The following OR7D4 variants were observed in gnomAD, a reference collection of about 807,000 sequenced individuals.
OR7D4 encodes the protein olfactory receptor family 7 subfamily D member 4.
For missense variants in OR7D4, 319 were observed against 377.1 expected (o/e 0.85, Z 1.27); for synonymous variants, 154 against 158.4 (o/e 0.97, Z 0.21).
At chr19:9,219,048 C>G (rs2146016695) in intron 1 of OR7D4, among the ~76,000 whole-genome samples, 152 bp downstream of exon 1, 1 of 152,226 alleles carries the variant, frequency 6.6e-6, no homozygotes, top group African/African-American at 2.4e-5. Context: ...AACATAACAG[C>G]TAGTAAGTGC....
rs761325059 is a variant in OR7D4, at chr19:9,214,263, G to T, written c.575C>A (p.Thr192Asn). ...ATACAAGACAATGTTATTGAGGAGG[G>T]TGTTAGAGCAGGCCACCTTGAGGAC... ...AQVLKVACSNTLLNNIVLYVA... is the reference protein window; with the variant it reads ...AQVLKVACSNNLLNNIVLYVA... Residue 192 changes from threonine to asparagine, a missense_variant, in exon 2 of 2, where the codon ACC (threonine) becomes AAC (asparagine). By Grantham distance (65) the Thr-to-Asn change is moderately conservative. Transcript: ENST00000641669. 4 of 1,614,160 alleles carry T rather than the reference G, an allele frequency of 2.5e-6. No individual in the cohort carries two copies. Among genetic ancestry groups the T allele is most frequent in the Non-Finnish European group, 1.7e-6 (2 of 1,179,990 alleles).
rs137888408 is a variant in OR7D4 at position 9,214,658 on chromosome 19, G to C, written c.180C>G (p.Tyr60Ter). 13 of 1,614,044 alleles carry C rather than the reference G, an allele frequency of 8.1e-6. No individual in the cohort carries two copies. Among genetic ancestry groups the C allele is most frequent in the Non-Finnish European group, 1.1e-5 (13 of 1,180,036 alleles). Residue 60 changes from tyrosine to a stop codon, truncating the protein, a stop_gained, in exon 2 of 2, where the codon TAC becomes TAG. Coordinates refer to ENST00000641669, the MANE Select transcript of OR7D4 (RefSeq NM_001005191.3). LOFTEE classifies it low-confidence loss of function (END_TRUNC). ...SSDSHLHTPM[Y>*]FFLSNLSFVD... Reference sequence around the variant, plus strand: ...CAAAGGACAGGTTGGAGAGGAAGAAGTACATGGGGGTGTGGAGGTGGGAGT... The same window carrying C: ...CAAAGGACAGGTTGGAGAGGAAGAACTACATGGGGGTGTGGAGGTGGGAGT...
chr19:9,211,048 C>T lies in OR7D4; in HGVS notation c.*2851G>A, dbSNP rs776535124. Reference sequence around the variant, plus strand: ...TCTACCGGAAGGCAGAGGGAAATCTCCATGGTCTTGGGTGCTTAGAGACCC... The same window carrying T: ...TCTACCGGAAGGCAGAGGGAAATCTTCATGGTCTTGGGTGCTTAGAGACCC... On this transcript the variant is annotated 3_prime_UTR_variant, in exon 2 of 2. Coordinates refer to ENST00000641669, the MANE Select transcript of OR7D4 (RefSeq NM_001005191.3). 6.6e-6 allele frequency: 1 copy of T among 152,270 alleles called. No homozygotes were observed. The highest frequency in any genetic ancestry group is 2.4e-5 in the African/African-American group (1 of 41,464). 9.4% of individuals were successfully genotyped at this position (152,270 alleles called of 1,614,324 possible).
chr19:9,213,847 A>G lies in OR7D4; in HGVS notation c.*52T>C. 1 of 1,284,032 alleles carries G rather than the reference A, an allele frequency of 7.8e-7. No homozygotes were observed. The highest frequency in any genetic ancestry group is 1.5e-5 in the African/African-American group (1 of 66,886). 79.5% of individuals were successfully genotyped at this position (1,284,032 alleles called of 1,614,324 possible). ...AGAGCCGGATATTTAAACCCACAAC[A>G]TTTGCCTTAGGGGTACGCAGTGTGT... On this transcript the variant is annotated 3_prime_UTR_variant, in exon 2 of 2. Coordinates refer to ENST00000641669, the MANE Select transcript of OR7D4 (RefSeq NM_001005191.3).
At chr19:9,218,643 T>G (rs4804423) in intron 1 of OR7D4, among the ~76,000 whole-genome samples, 15,422 of 151,924 alleles carry the variant, frequency 0.1, 1,389 homozygotes, top group African/African-American at 0.24. Context: ...GATTTTTTTT[T>G]GGGGGGGACA....
In OR7D4 at chr19:9,214,256, G is replaced by C. The variant is rs775966397; in HGVS notation, c.582C>G (p.Leu194=). 103 of 1,614,034 alleles carry C rather than the reference G, an allele frequency of 6.4e-5. No homozygotes were observed. Among genetic ancestry groups the C allele is most frequent in the Non-Finnish European group, 7.8e-5 (92 of 1,180,000 alleles). The part of the protein sequence containing the change: ...VLKVACSNTL[L]NNIVLYVATA... ...TGGCCACATACAAGACAATGTTATT[G>C]AGGAGGGTGTTAGAGCAGGCCACCT... is the stretch of plus-strand genomic sequence containing the variant. Residue 194 remains leucine (L), a synonymous_variant, in exon 2 of 2, where the codon CTC becomes CTG. Coordinates refer to ENST00000641669, the MANE Select transcript of OR7D4 (RefSeq NM_001005191.3).
chr19:9,211,748 C>A lies in OR7D4; in HGVS notation c.*2151G>T, dbSNP rs2146001561. 1 of 135,088 alleles carries A rather than the reference C, an allele frequency of 7.4e-6. No individual in the cohort carries two copies. The highest frequency in any genetic ancestry group is 2.3e-4 in the South Asian group (1 of 4,414). The allele number at this position is 135,088 out of a possible 1,614,324, so 8.4% of individuals were successfully genotyped here. A position where few individuals can be genotyped will look rare whatever the true frequency, so the allele number is the denominator to read the frequency against. On this transcript the variant is annotated 3_prime_UTR_variant, in exon 2 of 2. Transcript: ENST00000641669. Reference sequence around the variant, plus strand: ...AATCCCAGCGCCACTGTGCTCTAGCCTGGGCGACAGAGCAAGACTCCATCT... The same window carrying A: ...AATCCCAGCGCCACTGTGCTCTAGCATGGGCGACAGAGCAAGACTCCATCT...
At chr19:9,217,704 A>C (rs898533365) in intron 1 of OR7D4, among the ~76,000 whole-genome samples, 1 of 152,022 alleles carries the variant, frequency 6.6e-6, no homozygotes, top group Admixed American at 6.6e-5. Flanking sequence ...ACGCTCAGCT[A>C]ATTTTTTTAT....
At position 9,214,664 on chromosome 19, in the gene OR7D4, G is replaced by A; in HGVS notation, c.174C>T (p.Pro58=). The A allele has an allele frequency of 6.2e-7, 1 of 1,614,134 alleles. No homozygotes were observed. The highest frequency in any genetic ancestry group is 8.5e-7 in the Non-Finnish European group (1 of 1,180,010). ...ACAGGTTGGAGAGGAAGAAGTACATGGGGGTGTGGAGGTGGGAGTCAGAGC... is the reference window on the plus strand; with the variant it reads ...ACAGGTTGGAGAGGAAGAAGTACATAGGGGTGTGGAGGTGGGAGTCAGAGC... ...AVSSDSHLHT[P]MYFFLSNLSF... is the part of the protein sequence containing the mutation. Residue 58 remains proline, a synonymous_variant, in exon 2 of 2, where the codon CCC becomes CCT. Transcript: ENST00000641669.
rs373625654 is a variant in OR7D4 at position 9,214,547 on chromosome 19, G to C, written c.291C>G (p.Cys97Trp). 13 of 1,614,050 alleles carry C rather than the reference G, an allele frequency of 8.1e-6. No homozygotes were observed. The highest frequency in any genetic ancestry group is 1.3e-5 in the African/African-American group (1 of 74,916). ...ARSKDISYMG[C>W]LTQVYFLMMF... ...TCATTAAAAAATACACCTGAGTGAG[G>C]CACCCCATGTAGGAGATGTCTTTGC... is the stretch of plus-strand genomic sequence containing the variant. Residue 97 changes from cysteine (C) to tryptophan (W), a missense_variant, in exon 2 of 2, where the codon TGC (cysteine) becomes TGG (tryptophan). Cys to Trp is a radical substitution (Grantham distance 215). Transcript: ENST00000641669.
At chr19:9,217,138 A>G (rs1372391436) in intron 1 of OR7D4, among the ~76,000 whole-genome samples, 1 of 152,200 alleles carries the variant, frequency 6.6e-6, no homozygotes, top group Non-Finnish European at 1.5e-5. Context: ...TGTGGACTAC[A>G]TACACAAGAT....
intron 1 of OR7D4, among the ~76,000 whole-genome samples, chr19:9,217,741 G>A (rs1438986154): frequency 6.6e-6 from 1 of 152,128 alleles, no homozygotes; most frequent in African/African-American, 2.4e-5. Context: ...GTTTCACCTT[G>A]TTAGCCAGGC....
At chr19:9,218,151 A>G (rs2051230643) in intron 1 of OR7D4, among the ~76,000 whole-genome samples, 1 of 152,248 alleles carries the variant, frequency 6.6e-6, no homozygotes, top group African/African-American at 2.4e-5. Context: ...ATTCTGAGCA[A>G]GTACAAATTG....
At chr19:9,218,346 G>A (rs750536826) in intron 1 of OR7D4, among the ~76,000 whole-genome samples, 3 of 152,180 alleles carry the variant, frequency 2.0e-5, no homozygotes, top group Non-Finnish European at 4.4e-5. Flanking sequence ...CAGGTTTAAT[G>A]TAAGAATGTC....
rs1346211316 is a variant in OR7D4 at position 9,213,099 on chromosome 19, A to G, written c.*800T>C. ...TGAATAACATCAGACATGTAAAGCA[A>G]CAAGCACTGTCCTGATATTGTAAAC... On this transcript the variant is annotated 3_prime_UTR_variant, in exon 2 of 2. Transcript: ENST00000641669. 6.6e-6 allele frequency: 1 copy of G among 152,218 alleles called. No individual in the cohort carries two copies. The highest frequency in any genetic ancestry group is 1.9e-4 in the East Asian group (1 of 5,194). 9.4% of individuals were successfully genotyped at this position (152,218 alleles called of 1,614,324 possible).
At position 9,211,351 on chromosome 19, in the gene OR7D4, T is replaced by C. The variant is rs2051171426; in HGVS notation, c.*2548A>G. On this transcript the variant is annotated 3_prime_UTR_variant, in exon 2 of 2. Transcript: ENST00000641669. ...TAGATATGGGGAAATGCTTAAGCAA[T>C]ATATAAAGTTACCAAGTTAGGCTGC... The C allele has an allele frequency of 6.6e-6, 1 of 152,172 alleles. No individual in the cohort carries two copies. The highest frequency in any genetic ancestry group is 2.4e-5 in the African/African-American group (1 of 41,438). 9.4% of individuals were successfully genotyped at this position (152,172 alleles called of 1,614,324 possible).
chr19:9,212,490 G>A lies in OR7D4; in HGVS notation c.*1409C>T, dbSNP rs1031008172. ...ACCATCAAAATGATAATATCTTTAT[G>A]ATATAGAATACAATGGCCCGGAAAT... On this transcript the variant is annotated 3_prime_UTR_variant, in exon 2 of 2. Coordinates refer to ENST00000641669, the MANE Select transcript of OR7D4 (RefSeq NM_001005191.3). The A allele has an allele frequency of 6.6e-6, 1 of 152,058 alleles. No homozygotes were observed. Among genetic ancestry groups the A allele is most frequent in the Non-Finnish European group, 1.5e-5 (1 of 68,020 alleles). The allele number at this position is 152,058 out of a possible 1,614,324, so 9.4% of individuals were successfully genotyped here.
rs2051180327 is a variant in OR7D4 at position 9,212,676 on chromosome 19, GA to G, written c.*1222del. 2.0e-5 allele frequency: 3 copies of G among 152,120 alleles called. No homozygotes were observed. Among genetic ancestry groups the G allele is most frequent in the East Asian group, 1.9e-4 (1 of 5,186 alleles). 9.4% of individuals were successfully genotyped at this position (152,120 alleles called of 1,614,324 possible). ...CTCATTCTGGCCAGTATATTACTAG[GA>G]ACCATTTGACCCAACCAGCTTTCAA... On this transcript the variant is annotated 3_prime_UTR_variant, in exon 2 of 2. Transcript: ENST00000641669.
intron 1 of OR7D4, 142 bp from the exon 2 acceptor site, chr19:9,214,992 T>C: frequency 3.4e-6 from 2 of 592,824 alleles, no homozygotes; most frequent in East Asian, 5.6e-5. Context: ...TCTCAGGAAG[T>C]GGTATCTATT....
Sources: allele counts gnomAD v4.1 joint callset (sites outside exome capture counted in the v4.1 genomes callset), GRCh38; gene constraint gnomAD v4.1.1; transcripts MANE v1.5; gene names NCBI Gene and HGNC (gene_info 2026-07-23, HGNC 2026-07-21).